GRM8: variants seen among roughly 807,000 people sequenced by gnomAD.
The protein encoded by GRM8 is glutamate metabotropic receptor 8.
In GRM8, 47 loss-of-function variants were observed where a neutral mutation model predicts 87.2. The observed-to-expected ratio is 0.54, with a 90% CI of 0.43 to 0.69. GRM8 has a LOEUF of 0.69. GRM8 is among the 30% of genes least tolerant of loss of function. GRM8 has a pLI of 0.00. For missense variants in GRM8, 1,019 were observed against 1,139.2 expected, an observed-to-expected ratio of 0.89 and a Z score of 1.52; for synonymous variants, 396 against 404.5, an observed-to-expected ratio of 0.98 and a Z score of 0.25.
At chr7:127,249,819 G>T (rs570960123) in intron 1 of GRM8, among the ~76,000 whole-genome samples, 52 of 152,294 alleles carry the variant, frequency 3.4e-4, no homozygotes, top group African/African-American at 1.2e-3. Flanking sequence ...TGAGTCTGGG[G>T]ATGCCCAGTC....
chr7:126,569,818 A>G (rs941142737), intron 8 of GRM8, among the ~76,000 whole-genome samples: 1 of 152,198 alleles, frequency 6.6e-6, no homozygotes, highest in African/African-American at 2.4e-5. Flanking sequence ...AGAAAGGCAA[A>G]TTACAGGCAC....
At chr7:127,158,729 T>G (rs970817497) in intron 2 of GRM8, among the ~76,000 whole-genome samples, 20 of 152,122 alleles carry the variant, frequency 1.3e-4, no homozygotes, top group African/African-American at 4.8e-4. Context: ...CTTAATACTA[T>G]TTCATCAGGT....
At chr7:126,788,732 G>C (rs1246963024) in intron 6 of GRM8, among the ~76,000 whole-genome samples, 1 of 151,132 alleles carries the variant, frequency 6.6e-6, no homozygotes, top group African/African-American at 2.4e-5. Context: ...TAGACTCTAG[G>C]AGTTGAGTTC....
intron 3 of GRM8, among the ~76,000 whole-genome samples, chr7:127,012,041 C>T (rs541821397): frequency 4.6e-4 from 70 of 152,244 alleles, no homozygotes; most frequent in African/African-American, 1.4e-3. Context: ...GAGACTGAAC[C>T]AGAAAACTGG....
intron 2 of GRM8, among the ~76,000 whole-genome samples, chr7:127,157,828 A>T (rs1226085727): frequency 2.0e-5 from 3 of 152,206 alleles, no homozygotes; most frequent in African/African-American, 7.2e-5. Context: ...AGACTTAACA[A>T]GGTTACACAC....
chr7:126,692,122 T>G, intron 7 of GRM8, among the ~76,000 whole-genome samples: 1 of 152,194 alleles, frequency 6.6e-6, no homozygotes, highest in South Asian at 2.1e-4. Flanking sequence ...AAAGAAAATG[T>G]TGCCCATTCA....
intron 3 of GRM8, among the ~76,000 whole-genome samples, chr7:126,987,426 G>A (rs1175356156): frequency 6.6e-6 from 1 of 150,908 alleles, no homozygotes; most frequent in Non-Finnish European, 1.5e-5. Context: ...TTAAGGACAA[G>A]AAGCATATCT....
At chr7:126,514,587 A>G (rs1178825217) in intron 9 of GRM8, among the ~76,000 whole-genome samples, 2 of 152,140 alleles carry the variant, frequency 1.3e-5, no homozygotes, top group Non-Finnish European at 2.9e-5. Flanking sequence ...GCAAAACTAT[A>G]TAAGATCAGG....
chr7:127,070,568 C>A (rs1348494447), intron 3 of GRM8, among the ~76,000 whole-genome samples: 1 of 152,010 alleles, frequency 6.6e-6, no homozygotes, highest in Non-Finnish European at 1.5e-5. Flanking sequence ...CACCATAAAC[C>A]ATGATGTGTC....
chr7:126,885,439 C>T (rs1244443018), intron 6 of GRM8, among the ~76,000 whole-genome samples: 1 of 152,122 alleles, frequency 6.6e-6, no homozygotes, highest in Non-Finnish European at 1.5e-5. Flanking sequence ...CATTCCAAGA[C>T]TAACCCCCAC....
intron 7 of GRM8, among the ~76,000 whole-genome samples, chr7:126,750,493 C>T (rs1027268199): frequency 2.6e-5 from 4 of 151,762 alleles, no homozygotes; most frequent in Non-Finnish European, 5.9e-5. Flanking sequence ...TCAATTAAGC[C>T]GACGAAGAAA....
At chr7:126,879,427 T>C (rs1799832317) in intron 6 of GRM8, among the ~76,000 whole-genome samples, 1 of 152,208 alleles carries the variant, frequency 6.6e-6, no homozygotes, top group Admixed American at 6.5e-5. Flanking sequence ...ACTAATATTA[T>C]GCATAGGTCT....
At chr7:126,570,490 C>T (rs1794602683) in intron 8 of GRM8, among the ~76,000 whole-genome samples, 1 of 152,186 alleles carries the variant, frequency 6.6e-6, no homozygotes, top group Non-Finnish European at 1.5e-5. Context: ...AAAATATCTC[C>T]TGTACTCCTA....
At chr7:127,043,587 G>A (rs1388012093) in intron 3 of GRM8, among the ~76,000 whole-genome samples, 2 of 152,160 alleles carry the variant, frequency 1.3e-5, no homozygotes, top group East Asian at 3.9e-4. Context: ...GATTCAGGAA[G>A]GGGAACATCA....
chr7:126,781,401 A>T (rs1820060866), intron 6 of GRM8, among the ~76,000 whole-genome samples: 1 of 152,212 alleles, frequency 6.6e-6, no homozygotes, highest in Non-Finnish European at 1.5e-5. Context: ...ACAGAGAAAG[A>T]GATGGCATCA....
intron 7 of GRM8, among the ~76,000 whole-genome samples, chr7:126,734,133 C>T (rs550680055): frequency 1.3e-5 from 2 of 152,038 alleles, no homozygotes; most frequent in African/African-American, 2.4e-5. Context: ...CCCAGAACTA[C>T]ATTAAAAATT....
intron 7 of GRM8, among the ~76,000 whole-genome samples, chr7:126,653,194 T>G (rs1226937431): frequency 6.6e-6 from 1 of 151,330 alleles, no homozygotes; most frequent in Non-Finnish European, 1.5e-5. Context: ...TCCCAACTAT[T>G]AGGGAGGCTG....
intron 3 of GRM8, among the ~76,000 whole-genome samples, chr7:127,047,843 A>G (rs28507877): frequency 1.3e-5 from 2 of 151,788 alleles, no homozygotes; most frequent in African/African-American, 4.9e-5. Flanking sequence ...TTCAAAAAAT[A>G]AAAAATAAAA....
At chr7:126,786,810 T>A (rs1484643651) in intron 6 of GRM8, among the ~76,000 whole-genome samples, 3 of 152,226 alleles carry the variant, frequency 2.0e-5, no homozygotes, top group African/African-American at 7.2e-5. Context: ...ATGTATGAAC[T>A]TTTTGTCCAT....
Sources: allele counts gnomAD v4.1 joint callset (sites outside exome capture counted in the v4.1 genomes callset), GRCh38; gene constraint gnomAD v4.1.1; transcripts MANE v1.5; gene names NCBI Gene and HGNC (gene_info 2026-07-23, HGNC 2026-07-21).